Variants in COG7 observed in about 807,000 individuals in gnomAD.
COG7 encodes the protein conserved oligomeric Golgi complex subunit 7.
COG7 carries 49 observed loss-of-function variants against 91.5 expected under a neutral mutation model. That is an observed-to-expected ratio of 0.54 (90% confidence interval 0.43 to 0.68). The LOEUF (loss-of-function observed/expected upper bound fraction) is 0.68. Ranked by LOEUF, COG7 falls within the 30% of genes least tolerant of loss-of-function variation. The probability of loss-of-function intolerance (pLI) is 0.00; values close to 1 mark genes in which losing one functional copy is unlikely to be tolerated. For missense variants in COG7, 895 were observed against 961.3 expected (o/e 0.93, Z 0.91); for synonymous variants, 365 against 388.7 (o/e 0.94, Z 0.72).
At chr16:23,410,405 C>CA (rs1281366079) in intron 10 of COG7, 45 bp from the exon 11 acceptor site, 1 of 1,458,340 alleles carries the variant, frequency 6.9e-7, no homozygotes, top group South Asian at 1.2e-5. Flanking sequence ...TCTGGAATGC[C>CA]AGCCTTTACA....
At chr16:23,397,438 G>A (rs568193909) in intron 14 of COG7, among the ~76,000 whole-genome samples, 57 of 152,278 alleles carry the variant, frequency 3.7e-4, no homozygotes, top group Middle Eastern at 6.8e-3. Context: ...AGGAAGTAAC[G>A]GAAGGAAAGG....
chr16:23,392,721 G>A (rs1963220269), intron 15 of COG7, among the ~76,000 whole-genome samples, 198 bp from the exon 16 acceptor site: 1 of 152,118 alleles, frequency 6.6e-6, no homozygotes, highest in African/African-American at 2.4e-5. Context: ...TTTGAGGTCA[G>A]AAGTTCGAGA....
chr16:23,392,567 T>C (rs957709949), intron 15 of COG7, 44 bp from the exon 16 acceptor site: 1 of 1,611,646 alleles, frequency 6.2e-7, no homozygotes, highest in South Asian at 1.1e-5. Context: ...AGGCCTGCAG[T>C]AGCTGCTGAA....
At chr16:23,401,981 C>A (rs976959312) in intron 13 of COG7, among the ~76,000 whole-genome samples, 2 of 152,104 alleles carry the variant, frequency 1.3e-5, no homozygotes, top group African/African-American at 2.4e-5. Flanking sequence ...CACTTGAACC[C>A]AGGCAGCAGA....
intron 6 of COG7, among the ~76,000 whole-genome samples, chr16:23,428,754 C>G (rs1310165722): frequency 6.8e-6 from 1 of 147,820 alleles, no homozygotes; most frequent in East Asian, 2.0e-4. Flanking sequence ...TGCAATGGTG[C>G]GATCTTGGCT....
At position 23,452,931 on chromosome 16, in the gene COG7, T is replaced by G. The variant is rs1339715467; in HGVS notation, c.64A>C (p.Arg22=). ...GACGCCGCCTCCTTGGAGCCGGCCC[T>G]GAAGGCCGCATTGATCCACTCCTTC... is the stretch of plus-strand genomic sequence containing the variant. The part of the protein sequence containing the change: ...DVKEWINAAF[R]AGSKEAASGK... The change falls in exon 1 of 17, where the codon AGG becomes CGG. Residue 22 remains arginine (R), a synonymous_variant. Coordinates refer to ENST00000307149, the MANE Select transcript of COG7 (RefSeq NM_153603.4). 1 of 1,614,114 alleles carries G rather than the reference T, an allele frequency of 6.2e-7. No individual in the cohort carries two copies.
intron 11 of COG7, among the ~76,000 whole-genome samples, chr16:23,408,101 AGGTGAGTGGGGCGAGAGATAGG>A: frequency 1.2e-5 from 1 of 82,130 alleles, no homozygotes; most frequent in Non-Finnish European, 2.3e-5. Context: ...TGGGAGACAG[AGGTGAGTGGGGCGAGAGATAGG>A]GGCGAGTGGG....
chr16:23,442,369 TA>T, intron 4 of COG7, 107 bp downstream of exon 4: 1 of 980,510 alleles, frequency 1.0e-6, no homozygotes, highest in Non-Finnish European at 1.6e-6. Context: ...GAGTTCCTTC[TA>T]ATCTATGTAA....
intron 4 of COG7, among the ~76,000 whole-genome samples, chr16:23,437,764 T>G (rs1412381369): frequency 2.0e-5 from 3 of 152,294 alleles, no homozygotes; most frequent in Middle Eastern, 3.4e-3. Context: ...ACGGTACCTA[T>G]GCACTCAATA....
At chr16:23,444,162 T>C (rs1964146389) in intron 3 of COG7, among the ~76,000 whole-genome samples, 1 of 150,800 alleles carries the variant, frequency 6.6e-6, no homozygotes, top group African/African-American at 2.4e-5. Context: ...AAAAGAAAAA[T>C]TAGAGGACTA....
At chr16:23,403,643 G>A (rs779643665) in intron 13 of COG7, 51 bp downstream of exon 13, 3 of 1,609,780 alleles carry the variant, frequency 1.9e-6, no homozygotes, top group South Asian at 1.1e-5. Context: ...CAGTATGCTT[G>A]AGTTGGAGGC....
At chr16:23,406,384 TC>T in intron 11 of COG7, 122 bp from the exon 12 acceptor site, 1 of 896,424 alleles carries the variant, frequency 1.1e-6, no homozygotes, top group Non-Finnish European at 1.8e-6. Context: ...TGAATTAAGG[TC>T]CAGTTTATAA....
intron 11 of COG7, among the ~76,000 whole-genome samples, chr16:23,408,087 A>G (rs983055673): frequency 1.0e-5 from 1 of 100,250 alleles, no homozygotes; most frequent in African/African-American, 4.1e-5. Flanking sequence ...AGGGGTGAGT[A>G]AAGTGGGAGA....
rs759004348 is a variant in COG7 at position 23,406,211 on chromosome 16, G to A, written c.1527C>T (p.Ser509=). The A allele has an allele frequency of 1.9e-6, 3 of 1,614,140 alleles. No individual in the cohort carries two copies. Among genetic ancestry groups the A allele is most frequent in the East Asian group, 2.2e-5 (1 of 44,890 alleles). The change falls in exon 12 of 17, where the codon AGC becomes AGT. Residue 509 remains serine, a synonymous_variant. Transcript: ENST00000307149. ...AGATGCTCTCCTGAAAACCAGCCAG[G>A]CTCCGGGGGCTGCAGGAATCAGATA... is the stretch of plus-strand genomic sequence containing the variant. ...KYLSDSCSPR[S]LAGFQESILT...
intron 13 of COG7, among the ~76,000 whole-genome samples, chr16:23,401,103 C>T (rs1963369660): frequency 6.6e-6 from 1 of 152,096 alleles, no homozygotes; most frequent in Non-Finnish European, 1.5e-5. Flanking sequence ...CCATCTGTCA[C>T]CAGGTAAAAT....
At chr16:23,413,913 C>A in intron 9 of COG7, 1 of 284,956 alleles carries the variant, frequency 3.5e-6, no homozygotes, top group South Asian at 4.0e-5. Flanking sequence ...GTTTGAAGAA[C>A]TGTTTAAACA....
intron 7 of COG7, among the ~76,000 whole-genome samples, chr16:23,423,511 A>T (rs1394836773): frequency 6.6e-6 from 1 of 151,850 alleles, no homozygotes; most frequent in African/African-American, 2.4e-5. Flanking sequence ...AGCTCTCTCA[A>T]CTCTCCTTAG....
chr16:23,438,142 T>C (rs1567345146), intron 4 of COG7, among the ~76,000 whole-genome samples: 1 of 148,742 alleles, frequency 6.7e-6, no homozygotes, highest in Admixed American at 6.7e-5. Context: ...AATAATAGAA[T>C]GAAAACACAA....
intron 6 of COG7, among the ~76,000 whole-genome samples, chr16:23,429,261 A>T (rs1963896190): frequency 6.6e-6 from 1 of 152,172 alleles, no homozygotes; most frequent in Non-Finnish European, 1.5e-5. Flanking sequence ...AAGTGCTGAG[A>T]TTACAGGTGT....
Sources: allele counts gnomAD v4.1 joint callset (sites outside exome capture counted in the v4.1 genomes callset), GRCh38; gene constraint gnomAD v4.1.1; transcripts MANE v1.5; gene names NCBI Gene and HGNC (gene_info 2026-07-23, HGNC 2026-07-21).